STXBP6: variants seen among roughly 807,000 people sequenced by gnomAD.
The protein encoded by STXBP6 is syntaxin binding protein 6, also known as syntaxin-binding protein 6.
STXBP6 carries 21 observed loss-of-function variants against 26.9 expected under a neutral mutation model. The ratio of observed to expected loss-of-function variants is 0.78; its 90% confidence interval spans 0.55 to 1.12. STXBP6 has a LOEUF of 1.12. Among genes scored for constraint, STXBP6 ranks in the 50% most tolerant of loss-of-function variants. The probability of loss-of-function intolerance (pLI) is 0.00; values close to 1 mark genes in which losing one functional copy is unlikely to be tolerated. For synonymous variants in STXBP6, 97 were observed against 92.6 expected (o/e 1.05, Z -0.27); for missense variants, 232 against 257.9 (o/e 0.90, Z 0.69).
chr14:24,921,448 A>G (rs1402077334), intron 2 of STXBP6, among the ~76,000 whole-genome samples: 2 of 152,142 alleles, frequency 1.3e-5, no homozygotes, highest in East Asian at 3.9e-4. Context: ...ACACATACCA[A>G]AAAGCACTGG....
intron 1 of STXBP6, among the ~76,000 whole-genome samples, chr14:25,012,644 A>G (rs183240357): frequency 7.9e-5 from 12 of 152,316 alleles, no homozygotes; most frequent in Admixed American, 6.5e-4. Flanking sequence ...ATACATTCCA[A>G]TAGTCAATAT....
chr14:24,838,919 C>T (rs2068705853), intron 4 of STXBP6, among the ~76,000 whole-genome samples: 1 of 151,758 alleles, frequency 6.6e-6, no homozygotes, highest in Non-Finnish European at 1.5e-5. Context: ...TTTCTATAGG[C>T]TGAGATTAAA....
intron 2 of STXBP6, among the ~76,000 whole-genome samples, chr14:24,947,535 G>A (rs2073031692): frequency 6.6e-6 from 1 of 152,220 alleles, no homozygotes; most frequent in African/African-American, 2.4e-5. Context: ...AGTCAGGAAT[G>A]AGAGGAAGAG....
intron 1 of STXBP6, among the ~76,000 whole-genome samples, chr14:25,024,201 C>G (rs1024241843): frequency 6.6e-6 from 1 of 151,938 alleles, no homozygotes; most frequent in African/African-American, 2.4e-5. Context: ...CCCAGCTACT[C>G]AGGATGCTGA....
intron 4 of STXBP6, among the ~76,000 whole-genome samples, chr14:24,837,077 T>A (rs916517107): frequency 3.3e-5 from 5 of 152,208 alleles, no homozygotes; most frequent in Non-Finnish European, 5.9e-5. Flanking sequence ...GGCATTGCAA[T>A]TTTTTCTATT....
chr14:25,015,482 T>G (rs975222884), intron 1 of STXBP6, among the ~76,000 whole-genome samples: 1 of 151,946 alleles, frequency 6.6e-6, no homozygotes, highest in Non-Finnish European at 1.5e-5. Context: ...CAAGACAATA[T>G]TCTCCAAGGG....
At chr14:24,886,287 A>G (rs893504021) in intron 2 of STXBP6, among the ~76,000 whole-genome samples, 1 of 152,218 alleles carries the variant, frequency 6.6e-6, no homozygotes, top group Non-Finnish European at 1.5e-5. Flanking sequence ...TGGAGTCAAA[A>G]AGACCCAGCT....
chr14:25,006,711 A>G (rs189147727), intron 1 of STXBP6, among the ~76,000 whole-genome samples: 1 of 152,328 alleles, frequency 6.6e-6, no homozygotes, highest in East Asian at 1.9e-4. Flanking sequence ...AATTTCCCTG[A>G]TAAGGGCAGC....
At chr14:24,934,753 G>A (rs546549738) in intron 2 of STXBP6, among the ~76,000 whole-genome samples, 9 of 152,192 alleles carry the variant, frequency 5.9e-5, no homozygotes, top group Admixed American at 5.9e-4. Flanking sequence ...AGGGGCATAG[G>A]AGGAAAAATA....
chr14:24,997,614 T>C (rs1250907316), intron 1 of STXBP6, among the ~76,000 whole-genome samples: 1 of 152,222 alleles, frequency 6.6e-6, no homozygotes, highest in Non-Finnish European at 1.5e-5. Flanking sequence ...GCCCTACTCC[T>C]AAAGAGCACT....
intron 1 of STXBP6, among the ~76,000 whole-genome samples, chr14:25,019,195 C>T (rs1414478064): frequency 6.6e-6 from 1 of 152,160 alleles, no homozygotes; most frequent in African/African-American, 2.4e-5. Flanking sequence ...TATGTTCTTA[C>T]TAGAGACAAT....
In STXBP6 at chr14:24,945,476, G is replaced by C. The variant is rs142898966; in HGVS notation, c.154+29189C>G. On this transcript the variant is annotated intron_variant, in intron 2 of 5. Transcript: ENST00000323944. ...TCCCAGCTACTCAGGAGGCTGAGAT[G>C]GGCAGATGGTTTGAGCCCAGGAGTT... Among the ~76,000 whole-genome samples the C allele has an allele frequency of 1.6e-3, 241 of 152,120 alleles. 1 individual carries two copies. The highest frequency in any genetic ancestry group is 5.4e-3 in the African/African-American group (222 of 41,488).
chr14:24,926,045 T>G (rs2072152725), intron 2 of STXBP6, among the ~76,000 whole-genome samples: 1 of 152,230 alleles, frequency 6.6e-6, no homozygotes, highest in Admixed American at 6.5e-5. Flanking sequence ...GAAATCTTTA[T>G]GCAGTGAGGA....
intron 4 of STXBP6, among the ~76,000 whole-genome samples, chr14:24,835,296 G>C (rs758759821): frequency 2.6e-5 from 4 of 152,056 alleles, no homozygotes; most frequent in Non-Finnish European, 5.9e-5. Flanking sequence ...TGTTTTATTT[G>C]TTAAGCCACT....
intron 2 of STXBP6, among the ~76,000 whole-genome samples, chr14:24,885,193 C>T (rs2070530979): frequency 6.6e-6 from 1 of 152,128 alleles, no homozygotes; most frequent in Admixed American, 6.5e-5. Context: ...CTATTCTTTA[C>T]TTAAATTCAA....
intron 2 of STXBP6, among the ~76,000 whole-genome samples, chr14:24,938,674 A>G (rs551375799): frequency 1.4e-3 from 218 of 151,934 alleles, no homozygotes; most frequent in Non-Finnish European, 2.7e-3. Context: ...TGACATTTAC[A>G]TTTTAAAATA....
intron 2 of STXBP6, among the ~76,000 whole-genome samples, chr14:24,930,456 T>C (rs571107989): frequency 3.7e-4 from 56 of 152,308 alleles, no homozygotes; most frequent in Middle Eastern, 6.8e-3. Flanking sequence ...GAAATTCTTT[T>C]ATGGTGACCT....
At chr14:24,819,549 G>A (rs1300473716) in intron 4 of STXBP6, 2 of 513,626 alleles carry the variant, frequency 3.9e-6, no homozygotes, top group East Asian at 3.0e-5. Flanking sequence ...ACGTTGACAA[G>A]TTCACAGAAT....
At chr14:24,861,741 C>T (rs1035026451) in intron 2 of STXBP6, among the ~76,000 whole-genome samples, 3 of 152,164 alleles carry the variant, frequency 2.0e-5, no homozygotes, top group Non-Finnish European at 4.4e-5. Context: ...GCTCTCCACA[C>T]AGGATTGATC....
Sources: allele counts gnomAD v4.1 joint callset (sites outside exome capture counted in the v4.1 genomes callset), GRCh38; gene constraint gnomAD v4.1.1; transcripts MANE v1.5; gene names NCBI Gene and HGNC (gene_info 2026-07-23, HGNC 2026-07-21).